The following SPTB variants were observed in gnomAD, a reference collection of about 807,000 sequenced individuals.
SPTB encodes spectrin beta, erythrocytic.
SPTB carries 45 observed loss-of-function variants against 256.2 expected under a neutral mutation model. The observed-to-expected ratio is 0.18, with a 90% CI of 0.14 to 0.23. SPTB has a LOEUF of 0.23. Among genes scored for constraint, SPTB ranks in the 10% least tolerant of loss-of-function variants. SPTB has a pLI of 1.00. For synonymous variants in SPTB, 1,231 were observed against 1,243.1 expected, an observed-to-expected ratio of 0.99 and a Z score of 0.21; for missense variants, 2,715 against 3,040.4, an observed-to-expected ratio of 0.89 and a Z score of 2.52.
At chr14:64,797,948 C>A in intron 9 of SPTB, 102 bp from the exon 10 acceptor site, 1 of 824,994 alleles carries the variant, frequency 1.2e-6, no homozygotes, top group Non-Finnish European at 2.2e-6. Flanking sequence ...GCGTAGATAG[C>A]AAAGCATATT....
intron 1 of SPTB, among the ~76,000 whole-genome samples, chr14:64,861,266 T>C (rs1457970983): frequency 6.6e-6 from 1 of 152,138 alleles, no homozygotes; most frequent in Non-Finnish European, 1.5e-5. Flanking sequence ...CCATGGCACA[T>C]GTATACCTAT....
chr14:64,813,237 A>G (rs929474176), intron 2 of SPTB, among the ~76,000 whole-genome samples: 1 of 152,190 alleles, frequency 6.6e-6, no homozygotes, highest in African/African-American at 2.4e-5. Context: ...AAGTTCATAA[A>G]CCCTGGGGAC....
chr14:64,804,873 C>A, intron 3 of SPTB, 66 bp downstream of exon 3: 1 of 1,606,888 alleles, frequency 6.2e-7, no homozygotes, highest in South Asian at 1.1e-5. Context: ...GAGATGCCCC[C>A]AAACCATGCC....
At chr14:64,767,917 A>G (rs2082216548) in intron 29 of SPTB, 58 bp from the exon 30 acceptor site, 2 of 1,583,486 alleles carry the variant, frequency 1.3e-6, no homozygotes, top group Non-Finnish European at 8.6e-7. Flanking sequence ...TTAGCACCCA[A>G]TCGTTCACTC....
chr14:64,852,550 A>G lies in SPTB; in HGVS notation c.-52+27242T>C, dbSNP rs2083804960. ...TTAGGATGTCACTGCAGTAACTGAG[A>G]CAAGAGACGGTGTGGGCAAGACTCA... On this transcript the variant is annotated intron_variant, in intron 1 of 35. Transcript: ENST00000644917. The surrounding 1 kb of genome is among the most constrained non-coding windows in gnomAD (Gnocchi z 4.2). Among the ~76,000 whole-genome samples the G allele has an allele frequency of 6.6e-6, 1 of 152,206 alleles. No individual in the cohort carries two copies. Among genetic ancestry groups the G allele is most frequent in the Non-Finnish European group, 1.5e-5 (1 of 68,032 alleles).
At chr14:64,753,025 G>A (rs1043210956) in intron 33 of SPTB, among the ~76,000 whole-genome samples, 40 of 152,148 alleles carry the variant, frequency 2.6e-4, no homozygotes, top group African/African-American at 8.7e-4. Context: ...GGGACCTCTG[G>A]GGGGCAACTA....
In SPTB at chr14:64,754,051, C is replaced by T. The variant is rs2081989095; in HGVS notation, c.6346-258G>A. ...AGAGCTGCAGGGTGGCCCCCTCTCT[C>T]CAATGTAACATAGCAACGGAAGGTT... On this transcript the variant is annotated intron_variant, in intron 32 of 35. Transcript: ENST00000644917. 5.0e-6 allele frequency: 3 copies of T among 594,398 alleles called. No homozygotes were observed. The Admixed American group carries it at 8.5e-5, about 17-fold the overall frequency. 36.8% of individuals were successfully genotyped at this position (594,398 alleles called of 1,614,324 possible). A position where few individuals can be genotyped will look rare whatever the true frequency, so the allele number is the denominator to read the frequency against.
chr14:64,786,986 G>T lies in SPTB; in HGVS notation c.2979C>A (p.Ile993=). ...GCTCCAGCCCTGACAACTTCCTCTGGATGGCGATGATACCTGCCAGGTCCC... is the reference window on the plus strand; with the variant it reads ...GCTCCAGCCCTGACAACTTCCTCTGTATGGCGATGATACCTGCCAGGTCCC... The part of the protein sequence containing the change: ...LGRDLAGIIA[I]QRKLSGLERD... Residue 993 remains isoleucine (I), a synonymous_variant, in exon 16 of 36, where the codon ATC becomes ATA. Coordinates refer to ENST00000644917, the MANE Select transcript of SPTB (RefSeq NM_001355436.2). The surrounding 1 kb of genome is among the most constrained non-coding windows in gnomAD (Gnocchi z 5.6). 6.2e-7 allele frequency: 1 copy of T among 1,614,128 alleles called. No homozygotes were observed. The highest frequency in any genetic ancestry group is 8.5e-7 in the Non-Finnish European group (1 of 1,180,040).
Position 64,786,850 on chromosome 14 carries a change from A to T in SPTB, c.3115T>A (p.Leu1039Met). The change falls in exon 16 of 36, where the codon TTG becomes ATG. Residue 1039 changes from leucine (L) to methionine (M), a missense_variant. By Grantham distance (15) the Leu-to-Met change is conservative. Coordinates refer to ENST00000644917, the MANE Select transcript of SPTB (RefSeq NM_001355436.2). This position sits in a 1 kb window ranked among gnomAD's most constrained non-coding sequence, Gnocchi z 5.6. ...TGCAGGCCCTGCCACAGCTCCTCCA[A>T]GTGTTTTTGCCGCTGACCAATATCC... ...KEDIGQRQKH[L>M]EELWQGLQQS... 1 of 1,613,494 alleles carries T rather than the reference A, an allele frequency of 6.2e-7. No individual in the cohort carries two copies. Among genetic ancestry groups the T allele is most frequent in the South Asian group, 1.1e-5 (1 of 91,068 alleles).
intron 1 of SPTB, among the ~76,000 whole-genome samples, chr14:64,871,192 G>C (rs1882510090): frequency 6.6e-6 from 1 of 152,216 alleles, no homozygotes; most frequent in Non-Finnish European, 1.5e-5. Flanking sequence ...TAGCAAGTTT[G>C]AAGAAGGGAG....
intron 19 of SPTB, among the ~76,000 whole-genome samples, chr14:64,783,738 C>T (rs999615582): frequency 6.6e-6 from 1 of 152,158 alleles, no homozygotes; most frequent in African/African-American, 2.4e-5. Flanking sequence ...ACATCTAATT[C>T]CAGCCACATT....
chr14:64,763,714 G>T (rs763895807), intron 32 of SPTB: 1 of 518,110 alleles, frequency 1.9e-6, no homozygotes, highest in Non-Finnish European at 3.9e-6. Flanking sequence ...TTTGTCTTTC[G>T]TGAGTGAGGT....
rs1479443666 is a variant in SPTB, at chr14:64,827,631, G to C, written c.-51-4486C>G. The stretch of plus-strand genomic sequence containing the variant: ...ATCATAATCGCATTGCACATTCACA[G>C]GTACCTTAAAGAATAGTCAAATACA... On this transcript the variant is annotated intron_variant, in intron 1 of 35. Transcript: ENST00000644917. The surrounding 1 kb of genome is among the most constrained non-coding windows in gnomAD (Gnocchi z 4.6). Among the ~76,000 whole-genome samples, 2 of 152,096 alleles carry C rather than the reference G, an allele frequency of 1.3e-5. No individual in the cohort carries two copies. Among genetic ancestry groups the C allele is most frequent in the African/African-American group, 2.4e-5 (1 of 41,394 alleles).
chr14:64,770,754 C>T, intron 27 of SPTB, 131 bp downstream of exon 27: 1 of 1,426,954 alleles, frequency 7.0e-7, no homozygotes, highest in Non-Finnish European at 9.8e-7. Context: ...CTCAAGTGTC[C>T]CCCAGGGATT....
At chr14:64,813,525 G>A (rs1382007761) in intron 2 of SPTB, among the ~76,000 whole-genome samples, 1 of 135,136 alleles carries the variant, frequency 7.4e-6, no homozygotes, top group Non-Finnish European at 1.6e-5. Flanking sequence ...GTTGTTTTCT[G>A]TTTGTTTGTT....
intron 1 of SPTB, among the ~76,000 whole-genome samples, chr14:64,848,655 C>T (rs1029867605): frequency 6.6e-6 from 1 of 152,188 alleles, no homozygotes; most frequent in African/African-American, 2.4e-5. Context: ...CACTCATTCA[C>T]CCACTAACAC....
At chr14:64,877,505 C>CT (rs1882882030) in intron 1 of SPTB, among the ~76,000 whole-genome samples, 1 of 152,168 alleles carries the variant, frequency 6.6e-6, no homozygotes, top group Non-Finnish European at 1.5e-5. Context: ...TTTAATCTTC[C>CT]TGAACCTGTT....
chr14:64,800,927 A>G, intron 7 of SPTB, 59 bp from the exon 8 acceptor site: 1 of 1,373,876 alleles, frequency 7.3e-7, no homozygotes, highest in Non-Finnish European at 1.0e-6. Context: ...AGTCAGGCTC[A>G]GAGGGTTTAT....
Position 64,786,815 on chromosome 14 carries a change from C to T in SPTB, c.3150G>A (p.Leu1050=). Residue 1050 remains leucine, a synonymous_variant, in exon 16 of 36, where the codon CTG becomes CTA. Coordinates refer to ENST00000644917, the MANE Select transcript of SPTB (RefSeq NM_001355436.2). This position sits in a 1 kb window ranked among gnomAD's most constrained non-coding sequence, Gnocchi z 5.6. ...CCCCCAGCAAGTCCTCCTGGCCCTG[C>T]AGGGATTGCTGCAGGCCCTGCCACA... The part of the protein sequence containing the change: ...EELWQGLQQS[L]QGQEDLLGEV... 3 of 1,613,990 alleles carry T rather than the reference C, an allele frequency of 1.9e-6. No individual in the cohort carries two copies. Among genetic ancestry groups the T allele is most frequent in the Non-Finnish European group, 1.7e-6 (2 of 1,180,030 alleles).
Sources: gnomAD v4.1 joint callset for allele counts (sites outside exome capture counted in the v4.1 genomes callset) on GRCh38, gnomAD v4.1.1 for gene constraint, Gnocchi (gnomAD v3.1) non-coding constraint, MANE v1.5 for transcripts, NCBI Gene and HGNC (gene_info 2026-07-23, HGNC 2026-07-21) for gene names.